The following KBTBD12 variants were observed in gnomAD, a reference collection of about 807,000 sequenced individuals.
The protein encoded by KBTBD12 is kelch repeat and BTB domain containing 12.
KBTBD12 carries 53 observed loss-of-function variants against 58.7 expected under a neutral mutation model. The ratio of observed to expected loss-of-function variants is 0.90; its 90% confidence interval spans 0.72 to 1.14. The LOEUF (loss-of-function observed/expected upper bound fraction) is 1.14, where lower values mean the gene tolerates loss of function less well. KBTBD12 is among the 50% of genes most tolerant of loss of function. The pLI is 0.00. For synonymous variants in KBTBD12, 236 were observed against 259.8 expected, an observed-to-expected ratio of 0.91 and a Z score of 0.88; for missense variants, 704 against 751.3, an observed-to-expected ratio of 0.94 and a Z score of 0.74.
Position 127,963,310 on chromosome 3 carries a change from C to CT in KBTBD12, c.1615dup (p.Ser539PhefsTer29). 1 of 1,611,672 alleles carries CT rather than the reference C, an allele frequency of 6.2e-7. No individual in the cohort carries two copies. On this transcript the variant is annotated frameshift_variant, in exon 5 of 6. Transcript: ENST00000405109. LOFTEE classifies it high-confidence loss of function. ...GCCCTCCCATGCCAAGTCCCCTCCT[C>CT]TCACTCCGCACCAATTCCACCAATG...
chr3:127,928,121 A>G, intron 3 of KBTBD12, 87 bp downstream of exon 3: 5 of 1,165,392 alleles, frequency 4.3e-6, no homozygotes, highest in Non-Finnish European at 6.3e-6. Context: ...TTGAATGCTA[A>G]AAGAGTGTGA....
chr3:127,981,667 C>T (rs777617469), intron 5 of KBTBD12, among the ~76,000 whole-genome samples: 1 of 152,126 alleles, frequency 6.6e-6, no homozygotes, highest in Non-Finnish European at 1.5e-5. Flanking sequence ...TTTGGCCAGC[C>T]ACGGTGGCTC....
chr3:127,976,321 T>C (rs1332416977), intron 5 of KBTBD12, among the ~76,000 whole-genome samples: 1 of 152,238 alleles, frequency 6.6e-6, no homozygotes, highest in East Asian at 1.9e-4. Context: ...TCAAGTATTG[T>C]GCTTGTTGAC....
chr3:127,974,447 A>T (rs1357396964), intron 5 of KBTBD12, among the ~76,000 whole-genome samples: 1 of 152,088 alleles, frequency 6.6e-6, no homozygotes, highest in East Asian at 1.9e-4. Context: ...CTCTCCCTAG[A>T]TGCCAGAGCA....
At chr3:127,918,599 C>G (rs1380063262) in intron 1 of KBTBD12, among the ~76,000 whole-genome samples, 1 of 151,958 alleles carries the variant, frequency 6.6e-6, no homozygotes, top group Non-Finnish European at 1.5e-5. Context: ...GTAGTCCCAG[C>G]TACTCAGGAG....
chr3:127,966,218 G>A (rs939609963), intron 5 of KBTBD12, among the ~76,000 whole-genome samples: 1 of 152,156 alleles, frequency 6.6e-6, no homozygotes, highest in African/African-American at 2.4e-5. Context: ...ATACCCTCTC[G>A]GCAAGAGATT....
intron 4 of KBTBD12, among the ~76,000 whole-genome samples, chr3:127,960,556 A>G (rs1940419468): frequency 6.6e-6 from 1 of 152,230 alleles, no homozygotes. Flanking sequence ...CCTCTCATCA[A>G]AAGATTTCTC....
In KBTBD12 at chr3:127,963,235, C is replaced by T. The variant is rs940735336; in HGVS notation, c.1539C>T (p.Cys513=). 1.2e-6 allele frequency: 2 copies of T among 1,612,302 alleles called. No individual in the cohort carries two copies. The highest frequency in any genetic ancestry group is 2.7e-5 in the African/African-American group (2 of 74,794). Residue 513 remains cysteine, a synonymous_variant, in exon 5 of 6, where the codon TGC becomes TGT. Transcript: ENST00000405109. ...VGQDKGQVRK[C]LDVVEIYNPD... ...AAGACAAGGGCCAGGTTCGAAAATG[C>T]CTTGACGTGGTGGAGATCTACAACC... is the stretch of plus-strand genomic sequence containing the variant.
chr3:127,954,018 G>T (rs1216676113), intron 4 of KBTBD12, among the ~76,000 whole-genome samples: 2 of 152,126 alleles, frequency 1.3e-5, no homozygotes, highest in Non-Finnish European at 2.9e-5. Flanking sequence ...TCTCAGGAAC[G>T]TAACTATTTT....
chr3:127,947,616 A>AC (rs1460542272), intron 4 of KBTBD12, among the ~76,000 whole-genome samples: 3 of 152,330 alleles, frequency 2.0e-5, no homozygotes, highest in African/African-American at 7.2e-5. Context: ...TTTCTCTCTG[A>AC]CATTAAAAGT....
intron 5 of KBTBD12, among the ~76,000 whole-genome samples, chr3:127,969,872 G>T (rs1940651520): frequency 6.6e-6 from 1 of 151,924 alleles, no homozygotes; most frequent in Non-Finnish European, 1.5e-5. Context: ...ATTCTTAGAA[G>T]AAAATGTAGG....
chr3:127,951,459 G>C (rs1940201554), intron 4 of KBTBD12, among the ~76,000 whole-genome samples: 3 of 152,226 alleles, frequency 2.0e-5, no homozygotes, highest in Admixed American at 6.5e-5. Flanking sequence ...AGAGGACTCA[G>C]TGGAGTGAGT....
intron 4 of KBTBD12, among the ~76,000 whole-genome samples, chr3:127,942,777 G>A (rs1939984589): frequency 6.6e-6 from 1 of 151,134 alleles, no homozygotes; most frequent in African/African-American, 2.4e-5. Flanking sequence ...TAATGTATGA[G>A]GAAAAGAGGT....
chr3:127,928,484 C>T lies in KBTBD12; in HGVS notation c.1341+450C>T, dbSNP rs1191020336. Reference sequence around the variant, plus strand: ...GAATACCGATCTGTGATGGCACAATCGTTTCTATGCAAGCATATTGTGATT... The same window carrying T: ...GAATACCGATCTGTGATGGCACAATTGTTTCTATGCAAGCATATTGTGATT... On this transcript the variant is annotated intron_variant, in intron 3 of 5. Transcript: ENST00000405109. Among the ~76,000 whole-genome samples, 3 of 152,346 alleles carry T rather than the reference C, an allele frequency of 2.0e-5. 1 individual carries two copies. The East Asian group carries it at 5.8e-4, about 29-fold the overall frequency.
intron 4 of KBTBD12, among the ~76,000 whole-genome samples, chr3:127,957,779 T>C (rs1465559564): frequency 6.6e-6 from 1 of 152,198 alleles, no homozygotes; most frequent in African/African-American, 2.4e-5. Context: ...GGGATACAGA[T>C]GTGATTAGAC....
intron 5 of KBTBD12, among the ~76,000 whole-genome samples, chr3:127,977,318 T>C (rs1247061310): frequency 6.6e-6 from 1 of 152,210 alleles, no homozygotes; most frequent in Non-Finnish European, 1.5e-5. Flanking sequence ...GTCTTTATGG[T>C]AGAACAATTT....
At chr3:127,929,102 CTAAAA>C (rs909721509) in intron 3 of KBTBD12, among the ~76,000 whole-genome samples, 4 of 151,804 alleles carry the variant, frequency 2.6e-5, no homozygotes, top group African/African-American at 9.7e-5. Context: ...CATTTTTTCA[CTAAAA>C]TAGAGATTAA....
At chr3:127,921,568 T>A (rs1414608391) in intron 1 of KBTBD12, among the ~76,000 whole-genome samples, 1 of 152,140 alleles carries the variant, frequency 6.6e-6, no homozygotes, top group Non-Finnish European at 1.5e-5. Context: ...CTAATATAAC[T>A]GCCCAGGTAT....
chr3:127,922,442 T>C (rs1939434126), intron 1 of KBTBD12, among the ~76,000 whole-genome samples: 1 of 152,178 alleles, frequency 6.6e-6, no homozygotes, highest in Non-Finnish European at 1.5e-5. Flanking sequence ...AGCAGAATTT[T>C]AGTGGACCTT....
Sources: gnomAD v4.1 joint callset for allele counts (sites outside exome capture counted in the v4.1 genomes callset) on GRCh38, gnomAD v4.1.1 for gene constraint, MANE v1.5 for transcripts, NCBI Gene and HGNC (gene_info 2026-07-23, HGNC 2026-07-21) for gene names.